INTS4: variants seen among roughly 807,000 people sequenced by gnomAD.
The protein encoded by INTS4 is integrator complex subunit 4, also known as MSTP093.
INTS4 carries 70 observed loss-of-function variants against 119.5 expected under a neutral mutation model. The observed-to-expected ratio is 0.59, with a 90% confidence interval of 0.48 to 0.71. The LOEUF (loss-of-function observed/expected upper bound fraction) is 0.71, where lower values mean the gene tolerates loss of function less well. Ranked by LOEUF, INTS4 falls within the 30% of genes least tolerant of loss-of-function variation. The pLI is 0.00. For missense variants in INTS4, 867 were observed against 1,173.2 expected, an observed-to-expected ratio of 0.74 and a Z score of 3.81; for synonymous variants, 316 against 419.6, an observed-to-expected ratio of 0.75 and a Z score of 3.02.
intron 15 of INTS4, chr11:77,911,269 T>G (rs1488990789): frequency 5.1e-6 from 3 of 589,572 alleles, no homozygotes; most frequent in Non-Finnish European, 6.8e-6. Context: ...CTACCCAAAG[T>G]GTGGGAACCC....
intron 14 of INTS4, among the ~76,000 whole-genome samples, chr11:77,920,969 C>G (rs1360562758): frequency 6.6e-6 from 1 of 151,282 alleles, no homozygotes; most frequent in African/African-American, 2.4e-5. Flanking sequence ...TATCAATAAC[C>G]CAGGGACACC....
chr11:77,930,810 T>A (rs1393236032), intron 10 of INTS4, among the ~76,000 whole-genome samples: 2 of 87,454 alleles, frequency 2.3e-5, no homozygotes, highest in African/African-American at 1.1e-4. Flanking sequence ...TGAGACCCCA[T>A]CTCTATAAAA....
At chr11:77,933,666 C>T (rs1049603707) in intron 10 of INTS4, among the ~76,000 whole-genome samples, 7 of 152,014 alleles carry the variant, frequency 4.6e-5, no homozygotes, top group Non-Finnish European at 8.8e-5. Flanking sequence ...AAGTGAAGAG[C>T]GTCTCTGCCT....
rs1856255806 is a variant in INTS4, at chr11:77,982,055, AC to A, written c.247-480del. ...CTGGGTATACAACATTGCTGCCAGT[AC>A]CACTGCTTTTGGAGTCCCTGGAAAG... On this transcript the variant is annotated intron_variant, in intron 2 of 22. Transcript: ENST00000534064. Among the ~76,000 whole-genome samples, 3 of 152,048 alleles carry A rather than the reference AC, an allele frequency of 2.0e-5. No homozygotes were observed. In the South Asian group the frequency reaches 6.2e-4, roughly 31 times the overall value.
chr11:77,884,582 G>A (rs936761164), intron 21 of INTS4, among the ~76,000 whole-genome samples: 2 of 152,160 alleles, frequency 1.3e-5, no homozygotes, highest in African/African-American at 4.8e-5. Context: ...CTAGGACTAG[G>A]ACCTGCTCTA....
At chr11:77,954,964 T>C (rs1468328294) in intron 8 of INTS4, among the ~76,000 whole-genome samples, 1 of 152,218 alleles carries the variant, frequency 6.6e-6, no homozygotes, top group Non-Finnish European at 1.5e-5. Context: ...CCTAGTAGGG[T>C]TAATAGAATT....
chr11:77,893,797 G>A (rs2136403952), intron 19 of INTS4, among the ~76,000 whole-genome samples: 1 of 152,150 alleles, frequency 6.6e-6, no homozygotes, highest in African/African-American at 2.4e-5. Context: ...GGAGGCTGAG[G>A]CAGAAGAATC....
chr11:77,958,954 G>A, intron 6 of INTS4, 120 bp from the exon 7 acceptor site: 1 of 670,466 alleles, frequency 1.5e-6, no homozygotes. Flanking sequence ...CTTGTGTGTG[G>A]TTTTAACTTC....
In INTS4 at chr11:77,952,914, T is replaced by G. The variant is rs1339895806; in HGVS notation, c.918+3028A>C. Among the ~76,000 whole-genome samples the G allele has an allele frequency of 2.6e-5, 4 of 152,162 alleles. No homozygotes were observed. The East Asian group carries it at 7.7e-4, about 29-fold the overall frequency. On this transcript the variant is annotated intron_variant, in intron 8 of 22. Coordinates refer to ENST00000534064, the MANE Select transcript of INTS4 (RefSeq NM_033547.4). ...CTCCCCACTCCCACCTAGAGTTCAT[T>G]GTAGATCCTCTGTAAATGCCGAATG...
intron 8 of INTS4, among the ~76,000 whole-genome samples, chr11:77,949,802 A>G (rs1269687550): frequency 1.3e-5 from 2 of 152,070 alleles, no homozygotes; most frequent in Non-Finnish European, 2.9e-5. Context: ...TGTGGAAGAC[A>G]GCATGGCGAT....
intron 8 of INTS4, among the ~76,000 whole-genome samples, chr11:77,950,715 A>C (rs930374228): frequency 6.7e-6 from 1 of 148,376 alleles, no homozygotes; most frequent in Non-Finnish European, 1.5e-5. Context: ...ACAATGTGTC[A>C]ATTTTTGTTT....
intron 15 of INTS4, chr11:77,917,968 T>C: frequency 3.0e-6 from 2 of 674,632 alleles, no homozygotes. Context: ...GGAATGCAAG[T>C]AAAATTAGAG....
rs142216173 is a variant in INTS4 at position 77,968,301 on chromosome 11, T to C, written c.472-7163A>G. On this transcript the variant is annotated intron_variant, in intron 4 of 22. Transcript: ENST00000534064. ...TTCTCCAATTTACTTAAATGGTACA[T>C]TATTCAGCTGTAAAAAGGAAGAAAA... 6.9e-4 allele frequency among the ~76,000 whole-genome samples: 105 copies of C among 152,352 alleles called. 1 individual carries two copies. In the East Asian group the frequency reaches 0.019, roughly 27 times the overall value.
At chr11:77,933,807 C>G (rs1423980133) in intron 10 of INTS4, among the ~76,000 whole-genome samples, 1 of 149,888 alleles carries the variant, frequency 6.7e-6, no homozygotes, top group Non-Finnish European at 1.5e-5. Context: ...CCGCCCCGTC[C>G]GGGAGGTGGG....
intron 4 of INTS4, chr11:77,963,372 A>AC (rs1384375157): frequency 1.2e-5 from 4 of 321,444 alleles, no homozygotes; most frequent in East Asian, 1.8e-4. Flanking sequence ...AAAAAAAAAA[A>AC]AACAAAAAAA....
chr11:77,963,383 A>AAAT, intron 4 of INTS4: 1 of 395,236 alleles, frequency 2.5e-6, no homozygotes. Context: ...AACAAAAAAA[A>AAAT]CTGCTTTTCT....
intron 19 of INTS4, among the ~76,000 whole-genome samples, 180 bp downstream of exon 19, chr11:77,894,110 G>A (rs1408861812): frequency 6.6e-6 from 1 of 151,934 alleles, no homozygotes; most frequent in Non-Finnish European, 1.5e-5. Context: ...TAACATTAAG[G>A]AAAAAAACCA....
At chr11:77,875,284 C>T (rs746108113), downstream of INTS4, among the ~76,000 whole-genome samples, 1 of 152,150 alleles carries the variant, frequency 6.6e-6, no homozygotes, top group Non-Finnish European at 1.5e-5. Context: ...TCTTACAGTC[C>T]AGGTACAGAT....
intron 4 of INTS4, among the ~76,000 whole-genome samples, chr11:77,962,706 A>AT (rs934940722): frequency 5.5e-4 from 84 of 151,554 alleles, no homozygotes; most frequent in Middle Eastern, 3.4e-3. Flanking sequence ...CTTGTATTTT[A>AT]TTTTTTTTCA....
Sources: gnomAD v4.1 joint callset for allele counts (sites outside exome capture counted in the v4.1 genomes callset) on GRCh38, gnomAD v4.1.1 for gene constraint, MANE v1.5 for transcripts, NCBI Gene and HGNC (gene_info 2026-07-23, HGNC 2026-07-21) for gene names.